The following DYNC1I1 variants were observed in gnomAD, a reference collection of about 807,000 sequenced individuals.
DYNC1I1 encodes dynein cytoplasmic 1 intermediate chain 1.
In DYNC1I1, 43 loss-of-function variants were observed where a neutral mutation model predicts 86.6. The ratio of observed to expected loss-of-function variants is 0.50; its 90% CI spans 0.39 to 0.64. The LOEUF (loss-of-function observed/expected upper bound fraction) is 0.64, where lower values mean the gene tolerates loss of function less well. Among genes scored for constraint, DYNC1I1 ranks in the 30% least tolerant of loss-of-function variants. The probability of loss-of-function intolerance (pLI) is 0.00; values close to 1 mark genes in which losing one functional copy is unlikely to be tolerated. For synonymous variants in DYNC1I1, 262 were observed against 283.7 expected, an observed-to-expected ratio of 0.92 and a Z score of 0.77; for missense variants, 604 against 788.8, an observed-to-expected ratio of 0.77 and a Z score of 2.81.
At chr7:95,776,563 TG>T (rs1374767116) in intron 1 of DYNC1I1, among the ~76,000 whole-genome samples, 6 of 152,192 alleles carry the variant, frequency 3.9e-5, no homozygotes, top group South Asian at 2.1e-4. Context: ...GAAGAATCAC[TG>T]GTTTACATAT....
intron 6 of DYNC1I1, among the ~76,000 whole-genome samples, chr7:95,942,202 C>A (rs967494552): frequency 6.6e-6 from 1 of 152,074 alleles, no homozygotes. Context: ...CACCACCGAT[C>A]CCACAGAAAT....
chr7:95,884,806 AT>A (rs1489889318), intron 6 of DYNC1I1, among the ~76,000 whole-genome samples: 1 of 151,538 alleles, frequency 6.6e-6, no homozygotes, highest in African/African-American at 2.4e-5. Context: ...AAAAAAAAAA[AT>A]AAGCGTAATA....
chr7:96,014,870 G>A (rs1005842676), intron 10 of DYNC1I1, among the ~76,000 whole-genome samples: 8 of 152,188 alleles, frequency 5.3e-5, no homozygotes, highest in East Asian at 1.9e-4. Context: ...TACTTAAAAG[G>A]AGGGTGGTCT....
chr7:95,774,317 A>G (rs936060494), intron 1 of DYNC1I1, among the ~76,000 whole-genome samples: 8 of 139,124 alleles, frequency 5.8e-5, no homozygotes, highest in Non-Finnish European at 1.3e-4. Context: ...CTCAGATACA[A>G]ATGCACTTGC....
intron 6 of DYNC1I1, among the ~76,000 whole-genome samples, chr7:95,908,803 T>C (rs1473109268): frequency 6.6e-6 from 1 of 152,164 alleles, no homozygotes; most frequent in Non-Finnish European, 1.5e-5. Context: ...GGAGCAGCAC[T>C]GGAAAGCTGG....
chr7:95,859,517 G>T (rs1789818098), intron 5 of DYNC1I1, among the ~76,000 whole-genome samples: 1 of 152,186 alleles, frequency 6.6e-6, no homozygotes, highest in African/African-American at 2.4e-5. Context: ...GCAGCCATCT[G>T]GCATGGCTCC....
At chr7:96,103,160 C>T (rs930780483), downstream of DYNC1I1, among the ~76,000 whole-genome samples, 9 of 152,012 alleles carry the variant, frequency 5.9e-5, no homozygotes, top group African/African-American at 1.4e-4. Context: ...CTGTGTGAGC[C>T]GCTGAAAGAA....
chr7:95,865,151 T>G (rs552007774), intron 5 of DYNC1I1, among the ~76,000 whole-genome samples: 1 of 152,160 alleles, frequency 6.6e-6, no homozygotes, highest in African/African-American at 2.4e-5. Flanking sequence ...TGCTCTAGGA[T>G]TTCTCGAATT....
chr7:96,036,262 T>A (rs1195407542), intron 13 of DYNC1I1, among the ~76,000 whole-genome samples: 1 of 152,186 alleles, frequency 6.6e-6, no homozygotes, highest in Non-Finnish European at 1.5e-5. Context: ...CCATAGAATT[T>A]TCAATTCTCT....
rs565756089 is a variant in DYNC1I1 at position 95,913,293 on chromosome 7, A to G, written c.490+43295A>G. The stretch of plus-strand genomic sequence containing the variant: ...AAAGTGGTCCTGATCTAAAAATAGA[A>G]CAGAGCTCTTGAGCGGAGGTGGGGG... On this transcript the variant is annotated intron_variant, in intron 6 of 16. Coordinates refer to ENST00000447467, the MANE Select transcript of DYNC1I1 (RefSeq NM_001135556.2). Among the ~76,000 whole-genome samples, 25 of 152,306 alleles carry G rather than the reference A, an allele frequency of 1.6e-4. No homozygotes were observed. In the South Asian group the frequency reaches 5.0e-3, roughly 30 times the overall value.
intron 5 of DYNC1I1, among the ~76,000 whole-genome samples, chr7:95,850,398 AG>A (rs1290038618): frequency 5.3e-5 from 8 of 152,180 alleles, no homozygotes; most frequent in African/African-American, 1.9e-4. Flanking sequence ...TAATTTATTG[AG>A]GGTTTTTATC....
chr7:95,964,828 C>A (rs1229102576), intron 6 of DYNC1I1, among the ~76,000 whole-genome samples: 4 of 152,094 alleles, frequency 2.6e-5, no homozygotes, highest in South Asian at 4.1e-4. Context: ...TGAATAAGGA[C>A]CCTAAAGACA....
At chr7:95,803,174 A>C (rs947516727) in intron 1 of DYNC1I1, among the ~76,000 whole-genome samples, 4 of 152,238 alleles carry the variant, frequency 2.6e-5, no homozygotes, top group Non-Finnish European at 5.9e-5. Context: ...AATAATAAGA[A>C]TGGTGTACTT....
chr7:95,858,628 A>G (rs1201412726), intron 5 of DYNC1I1, among the ~76,000 whole-genome samples: 3 of 152,056 alleles, frequency 2.0e-5, no homozygotes, highest in Non-Finnish European at 2.9e-5. Context: ...CTGCAGTATG[A>G]TGTTACAACA....
intron 1 of DYNC1I1, among the ~76,000 whole-genome samples, chr7:95,773,594 C>T (rs755659566): frequency 1.3e-5 from 2 of 152,050 alleles, no homozygotes; most frequent in Admixed American, 6.5e-5. Context: ...CAACAACATG[C>T]AGAAGATGGA....
chr7:95,999,202 A>G (rs1330591773), intron 10 of DYNC1I1, among the ~76,000 whole-genome samples: 1 of 152,188 alleles, frequency 6.6e-6, no homozygotes, highest in African/African-American at 2.4e-5. Context: ...ACCACCCTGC[A>G]TTGCTTACCC....
intron 6 of DYNC1I1, among the ~76,000 whole-genome samples, chr7:95,887,029 C>A (rs532169822): frequency 6.6e-6 from 1 of 152,308 alleles, no homozygotes; most frequent in South Asian, 2.1e-4. Context: ...GGATTCTTGG[C>A]TAAGTGCAGG....
Position 95,780,180 on chromosome 7 carries a change from T to TTGAATAAATGAAATATTCATTCATTCTAA in DYNC1I1, c.-10+7419_-10+7447dup, listed in dbSNP as rs1793949859. Reference sequence around the variant, plus strand: ...AAGCGAAGTAATGAGTATATTTTCATTGAATAAATGAAATATTCATTCATT... The same window carrying TTGAATAAATGAAATATTCATTCATTCTAA: ...AAGCGAAGTAATGAGTATATTTTCATTGAATAAATGAAATATTCATTCATTCTAATGAATAAATGAAATATTCATTCATT... On this transcript the variant is annotated intron_variant, in intron 1 of 16. Transcript: ENST00000447467. Among the ~76,000 whole-genome samples the TTGAATAAATGAAATATTCATTCATTCTAA allele has an allele frequency of 1.2e-4, 18 of 152,194 alleles. 1 individual carries two copies. The highest frequency in any genetic ancestry group is 7.9e-4 in the Admixed American group (12 of 15,272).
chr7:96,021,566 G>GT (rs11399540), intron 10 of DYNC1I1, among the ~76,000 whole-genome samples: 18,181 of 152,048 alleles, frequency 0.12, 1,181 homozygotes, highest in Non-Finnish European at 0.14. Context: ...ACAATTTTGT[G>GT]TTTTTTTAGT....
Sources: allele counts gnomAD v4.1 joint callset (sites outside exome capture counted in the v4.1 genomes callset), GRCh38; gene constraint gnomAD v4.1.1; transcripts MANE v1.5; gene names NCBI Gene and HGNC (gene_info 2026-07-23, HGNC 2026-07-21).